The following KLHL8 variants were observed in gnomAD, a reference collection of about 807,000 sequenced individuals.
KLHL8 encodes the protein kelch-like protein 8.
A neutral mutation model predicts 63.5 loss-of-function variants in KLHL8; 38 were observed. The ratio of observed to expected loss-of-function variants is 0.60; its 90% CI spans 0.46 to 0.78. KLHL8 has a LOEUF of 0.78. KLHL8 is among the 30% of genes least tolerant of loss of function. The pLI is 0.00. For missense variants in KLHL8, 566 were observed against 752.4 expected (o/e 0.75, Z 2.90); for synonymous variants, 224 against 254.3 (o/e 0.88, Z 1.13).
At chr4:87,195,758 G>T (rs1731671572) in intron 1 of KLHL8, 68 bp from the exon 2 acceptor site, 2 of 443,908 alleles carry the variant, frequency 4.5e-6, no homozygotes, top group African/African-American at 2.0e-5. Flanking sequence ...ACTATAATTT[G>T]TTAATACTAT....
At chr4:87,215,850 T>C (rs1732574429) in intron 1 of KLHL8, among the ~76,000 whole-genome samples, 1 of 152,234 alleles carries the variant, frequency 6.6e-6, no homozygotes, top group Non-Finnish European at 1.5e-5. Flanking sequence ...TACATATCCA[T>C]CTTTTCAAAC....
At chr4:87,165,117 T>C (rs1439530525) in intron 8 of KLHL8, among the ~76,000 whole-genome samples, 1 of 119,816 alleles carries the variant, frequency 8.3e-6, no homozygotes, top group Non-Finnish European at 1.6e-5. Flanking sequence ...GCCACTGCAC[T>C]CCAGCCTGGG....
chr4:87,187,573 T>A (rs1198767499), intron 2 of KLHL8, among the ~76,000 whole-genome samples: 1 of 152,048 alleles, frequency 6.6e-6, no homozygotes, highest in African/African-American at 2.4e-5. Flanking sequence ...TTTATTCTCT[T>A]ATATAAAAAC....
At chr4:87,200,410 A>G (rs1385095124) in intron 1 of KLHL8, among the ~76,000 whole-genome samples, 2 of 152,198 alleles carry the variant, frequency 1.3e-5, no homozygotes, top group South Asian at 2.1e-4. Context: ...TACCTAAGAC[A>G]ATGTAAATGC....
At chr4:87,208,056 C>A in intron 1 of KLHL8, 1 of 609,752 alleles carries the variant, frequency 1.6e-6, no homozygotes, top group South Asian at 1.4e-5. Flanking sequence ...GCAACAAGGT[C>A]GTGGACCTCA....
rs182226004 is a variant in KLHL8 at position 87,178,489 on chromosome 4, T to C, written c.1084A>G (p.Ile362Val). The stretch of plus-strand genomic sequence containing the variant: ...AGAGTGGACCCACCTTCCACAGAGA[T>C]TACACCCACATGTCGCCTTCGACTA... The part of the protein sequence containing the change: ...MNSRRRHVGV[I>V]SVEGKVYAVG... The change falls in exon 5 of 10, where the codon ATC becomes GTC. Residue 362 changes from isoleucine (I) to valine (V), a missense_variant. Coordinates refer to ENST00000273963, the MANE Select transcript of KLHL8 (RefSeq NM_020803.5). 4 of 1,609,928 alleles carry C rather than the reference T, an allele frequency of 2.5e-6. No individual in the cohort carries two copies. The highest frequency in any genetic ancestry group is 2.7e-5 in the African/African-American group (2 of 74,792).
At chr4:87,185,169 T>C (rs889517620) in intron 3 of KLHL8, 82 bp downstream of exon 3, 21 of 1,276,808 alleles carry the variant, frequency 1.6e-5, no homozygotes, top group Middle Eastern at 2.7e-4. Flanking sequence ...TGAAATAATC[T>C]ACACTTTTCC....
chr4:87,212,634 T>C (rs1013329781), intron 1 of KLHL8, among the ~76,000 whole-genome samples: 1 of 152,190 alleles, frequency 6.6e-6, no homozygotes, highest in African/African-American at 2.4e-5. Context: ...TTTACAGTCA[T>C]GTGCTGCATA....
chr4:87,173,889 T>C (rs1014156985), intron 6 of KLHL8, among the ~76,000 whole-genome samples: 1 of 89,624 alleles, frequency 1.1e-5, no homozygotes, highest in Non-Finnish European at 2.2e-5. Context: ...GAGATAACAG[T>C]TTAAGACTAG....
chr4:87,222,959 T>C (rs1732911975), upstream of KLHL8, among the ~76,000 whole-genome samples: 1 of 152,068 alleles, frequency 6.6e-6, no homozygotes, highest in South Asian at 2.1e-4. Context: ...TTATTTTATT[T>C]ATTTTATTTT....
intron 4 of KLHL8, among the ~76,000 whole-genome samples, chr4:87,181,688 T>C (rs887551853): frequency 1.3e-5 from 2 of 152,076 alleles, no homozygotes; most frequent in African/African-American, 2.4e-5. Context: ...TTTAACTTAA[T>C]TCTTAGTCTC....
chr4:87,235,065 T>C (rs1364433050), intron 1 of KLHL8, among the ~76,000 whole-genome samples: 1 of 152,200 alleles, frequency 6.6e-6, no homozygotes, highest in Non-Finnish European at 1.5e-5. Flanking sequence ...GGTTGGTTTA[T>C]TACCAGAGAA....
intron 2 of KLHL8, among the ~76,000 whole-genome samples, chr4:87,194,220 A>AT (rs1731603658): frequency 6.6e-6 from 1 of 152,168 alleles, no homozygotes; most frequent in Non-Finnish European, 1.5e-5. Flanking sequence ...GCTTAGGCCC[A>AT]TTTTGTCCTT....
upstream of KLHL8, among the ~76,000 whole-genome samples, chr4:87,224,757 A>T (rs1732942984): frequency 6.6e-6 from 1 of 152,066 alleles, no homozygotes; most frequent in Non-Finnish European, 1.5e-5. Flanking sequence ...ATGTTTTCTG[A>T]CCTTAGGCTG....
At chr4:87,171,332 T>C (rs1454633604) in intron 6 of KLHL8, among the ~76,000 whole-genome samples, 1 of 152,220 alleles carries the variant, frequency 6.6e-6, no homozygotes, top group African/African-American at 2.4e-5. Flanking sequence ...AGTTAATACA[T>C]GTAAAGCACT....
chr4:87,235,393 G>A (rs1272861444), intron 1 of KLHL8, among the ~76,000 whole-genome samples: 2 of 152,174 alleles, frequency 1.3e-5, no homozygotes, highest in Non-Finnish European at 1.5e-5. Flanking sequence ...TAGCCTAGGA[G>A]CAGTAGGCTA....
upstream of KLHL8, among the ~76,000 whole-genome samples, chr4:87,222,353 C>G (rs1014809674): frequency 7.9e-5 from 12 of 152,142 alleles, no homozygotes; most frequent in African/African-American, 2.9e-4. Flanking sequence ...CTCCCTTTCC[C>G]CCATAAAGAA....
At chr4:87,175,604 A>T (rs1200330066) in intron 6 of KLHL8, among the ~76,000 whole-genome samples, 1 of 152,138 alleles carries the variant, frequency 6.6e-6, no homozygotes, top group Non-Finnish European at 1.5e-5. Flanking sequence ...TGCCTTAGTG[A>T]TCTTTCCACC....
Position 87,176,986 on chromosome 4 carries a change from C to T in KLHL8, c.1097-118G>A, listed in dbSNP as rs1199872696. Reference sequence around the variant, plus strand: ...ACCATAAGTTAATTTTCAATAATTGCTGTTCTGTTCAACATTATGATCAAT... The same window carrying T: ...ACCATAAGTTAATTTTCAATAATTGTTGTTCTGTTCAACATTATGATCAAT... On this transcript the variant is annotated intron_variant, in intron 5 of 9. Transcript: ENST00000273963. The T allele has an allele frequency of 9.0e-6, 5 of 555,720 alleles. No homozygotes were observed. The African/African-American group carries it at 9.6e-5, about 11-fold the overall frequency. The allele number at this position is 555,720 out of a possible 1,614,324, so 34.4% of individuals were successfully genotyped here. A position where few individuals can be genotyped will look rare whatever the true frequency, so the allele number is the denominator to read the frequency against.
Sources: allele counts gnomAD v4.1 joint callset (sites outside exome capture counted in the v4.1 genomes callset), GRCh38; gene constraint gnomAD v4.1.1; transcripts MANE v1.5; gene names NCBI Gene and HGNC (gene_info 2026-07-23, HGNC 2026-07-21).